MTSS2: variants seen among roughly 807,000 people sequenced by gnomAD.
The protein encoded by MTSS2 is protein MTSS 2.
MTSS2 carries 27 observed loss-of-function variants against 67.1 expected under a neutral mutation model. That is an observed-to-expected ratio of 0.40 (90% CI 0.30 to 0.55). MTSS2 has a LOEUF of 0.55. MTSS2 is among the 20% of genes least tolerant of loss of function. The pLI, the probability that MTSS2 is intolerant of heterozygous loss-of-function variation, is 0.43. For synonymous variants in MTSS2, 624 were observed against 468.6 expected (o/e 1.33, Z -4.28); for missense variants, 1,171 against 1,067.8 (o/e 1.10, Z -1.35).
intron 11 of MTSS2, among the ~76,000 whole-genome samples, chr16:70,670,630 G>C (rs2052899030): frequency 6.6e-6 from 1 of 152,050 alleles, no homozygotes. Flanking sequence ...AAAGAAGCCA[G>C]ACATAAAGGA....
Position 70,663,540 on chromosome 16 carries a change from T to C in MTSS2, c.*137A>G. On this transcript the variant is annotated 3_prime_UTR_variant, in exon 15 of 15. Coordinates refer to ENST00000338779, the MANE Select transcript of MTSS2 (RefSeq NM_138383.3). Reference sequence around the variant, plus strand: ...TAAATGCTGGAATCCAAGTGAGGTGTCTTTCCATAAAGTGGCATGGCCTCT... The same window carrying C: ...TAAATGCTGGAATCCAAGTGAGGTGCCTTTCCATAAAGTGGCATGGCCTCT... 2 of 1,391,512 alleles carry C rather than the reference T, an allele frequency of 1.4e-6. No homozygotes were observed. The highest frequency in any genetic ancestry group is 1.5e-5 in the South Asian group (1 of 65,568). The allele number at this position is 1,391,512 out of a possible 1,614,324, so 86.2% of individuals were successfully genotyped here. A position where few individuals can be genotyped will look rare whatever the true frequency, so the allele number is the denominator to read the frequency against.
chr16:70,676,907 G>A lies in MTSS2; in HGVS notation c.804C>T (p.Ser268=). 1 of 1,613,684 alleles carries A rather than the reference G, an allele frequency of 6.2e-7. No individual in the cohort carries two copies. The highest frequency in any genetic ancestry group is 8.5e-7 in the Non-Finnish European group (1 of 1,179,978). ...YQTPPSSPSS[S]SSRKSSMCSA... The stretch of plus-strand genomic sequence containing the variant: ...TGCACATGCTGGACTTCCGGGAGCT[G>A]GAGCTGCTGGGTGATGAGGGTGGGG... The change falls in exon 10 of 15, where the codon TCC becomes TCT. Residue 268 remains serine, a synonymous_variant. Coordinates refer to ENST00000338779, the MANE Select transcript of MTSS2 (RefSeq NM_138383.3).
intron 6 of MTSS2, 62 bp downstream of exon 6, chr16:70,679,568 G>A (rs2053229915): frequency 6.6e-7 from 1 of 1,509,560 alleles, no homozygotes; most frequent in Admixed American, 2.1e-5. Flanking sequence ...GCGCCCCACG[G>A]GGCGGTGGGG....
Position 70,664,166 on chromosome 16 carries a change from G to T in MTSS2, c.1755C>A (p.Pro585=). 1 of 1,606,328 alleles carries T rather than the reference G, an allele frequency of 6.2e-7. No individual in the cohort carries two copies. Among genetic ancestry groups the T allele is most frequent in the Non-Finnish European group, 8.5e-7 (1 of 1,179,462 alleles). Residue 585 remains proline (P), a synonymous_variant, in exon 15 of 15, where the codon CCC becomes CCA. Coordinates refer to ENST00000338779, the MANE Select transcript of MTSS2 (RefSeq NM_138383.3). ...RRALSSAGPI[P]IRPPIVPVKT... ...TCACAGGGACGATGGGCGGCCGGATGGGGATGGGGCCAGCGCTGGACAGGG... is the reference window on the plus strand; with the variant it reads ...TCACAGGGACGATGGGCGGCCGGATTGGGATGGGGCCAGCGCTGGACAGGG...
rs759766257 is a variant in MTSS2 at position 70,678,235 on chromosome 16, G to A, written c.624+17C>T. On this transcript the variant is annotated intron_variant, in intron 8 of 14. Transcript: ENST00000338779. ...CCCAGCCCACCCCTCTGGGGTCTGA[G>A]TCCCCAGGAGTCCCACCACCACAGG... The A allele has an allele frequency of 1.9e-6, 3 of 1,597,234 alleles. No individual in the cohort carries two copies. In the Admixed American group the frequency reaches 5.1e-5, roughly 27 times the overall value.
At chr16:70,674,262 G>A (rs1442952185) in intron 11 of MTSS2, 44 bp downstream of exon 11, 39 of 1,578,064 alleles carry the variant, frequency 2.5e-5, no homozygotes, top group Non-Finnish European at 3.3e-5. Context: ...CTGGCATAAG[G>A]CTGCTGCACC....
In MTSS2 at chr16:70,662,378, T is replaced by TG. The variant is rs1313628853; in HGVS notation, c.*1298dup. The stretch of plus-strand genomic sequence containing the variant: ...ACTTGGCGTGACTTGGTGCGTGGGG[T>TG]GGGGGCAGCCTTGCCCCTCCCCTTG... On this transcript the variant is annotated 3_prime_UTR_variant, in exon 15 of 15. Transcript: ENST00000338779. 1.3e-5 allele frequency: 2 copies of TG among 152,160 alleles called. No individual in the cohort carries two copies. The highest frequency in any genetic ancestry group is 2.9e-5 in the Non-Finnish European group (2 of 68,092). 9.4% of individuals were successfully genotyped at this position (152,160 alleles called of 1,614,324 possible). A position where few individuals can be genotyped will look rare whatever the true frequency, so the allele number is the denominator to read the frequency against.
At chr16:70,683,836 G>A (rs58887293) in intron 1 of MTSS2, among the ~76,000 whole-genome samples, 1 of 152,182 alleles carries the variant, frequency 6.6e-6, no homozygotes, top group African/African-American at 2.4e-5. Context: ...AGCTGCCCCC[G>A]CAAATCCAGG....
At chr16:70,677,935 C>CGCCCACCT (rs1567502181) in intron 8 of MTSS2, 36 bp from the exon 9 acceptor site, 1 of 1,467,800 alleles carries the variant, frequency 6.8e-7, no homozygotes, top group African/African-American at 1.4e-5. Context: ...CTGGCCCTAT[C>CGCCCACCT]GCCCACCTGC....
In MTSS2 at chr16:70,664,148, G is replaced by T; in HGVS notation, c.1773C>A (p.Val591=). ...CAGGCACCGTGGGCGTCTTCACAGG[G>T]ACGATGGGCGGCCGGATGGGGATGG... ...AGPIPIRPPI[V]PVKTPTVPDS... Residue 591 remains valine (V), a synonymous_variant, in exon 15 of 15, where the codon GTC becomes GTA. Coordinates refer to ENST00000338779, the MANE Select transcript of MTSS2 (RefSeq NM_138383.3). The T allele has an allele frequency of 6.2e-7, 1 of 1,608,842 alleles. No homozygotes were observed.
Position 70,663,956 on chromosome 16 carries a change from G to T in MTSS2, c.1965C>A (p.Tyr655Ter). The change falls in exon 15 of 15, where the codon TAC becomes TAA. Residue 655 changes from tyrosine (Y) to a stop codon, truncating the protein, a stop_gained. Transcript: ENST00000338779. LOFTEE classifies it low-confidence loss of function (END_TRUNC). ...WGSPSPEAAG[Y>*]PGAGAEDEQQ... The stretch of plus-strand genomic sequence containing the variant: ...GCTCGTCCTCGGCCCCTGCCCCGGG[G>T]TACCCGGCTGCCTCTGGGGATGGGC... 6.4e-7 allele frequency: 1 copy of T among 1,563,970 alleles called. No individual in the cohort carries two copies. Among genetic ancestry groups the T allele is most frequent in the Non-Finnish European group, 8.6e-7 (1 of 1,156,584 alleles).
rs1200524795 is a variant in MTSS2, at chr16:70,664,059, T to C, written c.1862A>G (p.Glu621Gly). 3.1e-6 allele frequency: 5 copies of C among 1,610,988 alleles called. No homozygotes were observed. The Admixed American group carries it at 5.0e-5, about 16-fold the overall frequency. ...GTCCGGTGCCAGGGGTGAGGCGGTCTCGTCGGTATAGAAGACGCACTCCTC... is the reference window on the plus strand; with the variant it reads ...GTCCGGTGCCAGGGGTGAGGCGGTCCCGTCGGTATAGAAGACGCACTCCTC... ...GSEECVFYTD[E>G]TASPLAPDLA... Residue 621 changes from glutamate (E) to glycine (G), a missense_variant, in exon 15 of 15, where the codon GAG (glutamate) becomes GGG (glycine). By Grantham distance (98) the Glu-to-Gly change is moderately conservative. This residue lies in a region of MTSS2 where 924 missense variants were observed against 756.0 expected (regional missense o/e 1.22). Coordinates refer to ENST00000338779, the MANE Select transcript of MTSS2 (RefSeq NM_138383.3).
intron 11 of MTSS2, among the ~76,000 whole-genome samples, chr16:70,673,363 T>G (rs1355985735): frequency 6.6e-5 from 10 of 152,212 alleles, no homozygotes; most frequent in Non-Finnish European, 1.5e-4. Flanking sequence ...GACTGACAGC[T>G]GACCTTCCAA....
intron 12 of MTSS2, 167 bp from the exon 13 acceptor site, chr16:70,665,263 C>T (rs1351831306): frequency 3.2e-6 from 3 of 939,540 alleles, no homozygotes; most frequent in East Asian, 5.3e-5. Flanking sequence ...CCCCTCAGTC[C>T]CACCAGGCCC....
chr16:70,682,057 G>A (rs571841823), intron 1 of MTSS2, among the ~76,000 whole-genome samples: 2 of 152,338 alleles, frequency 1.3e-5, no homozygotes, highest in African/African-American at 4.8e-5. Flanking sequence ...GGCTCTGCCT[G>A]GCTGCAACCC....
intron 11 of MTSS2, among the ~76,000 whole-genome samples, chr16:70,670,576 T>A (rs2052896300): frequency 6.6e-6 from 1 of 152,190 alleles, no homozygotes; most frequent in South Asian, 2.1e-4. Flanking sequence ...TGATCTATAT[T>A]TCCACCTAAA....
chr16:70,685,549 C>G (rs2053427329), intron 1 of MTSS2, among the ~76,000 whole-genome samples, 174 bp downstream of exon 1: 1 of 152,178 alleles, frequency 6.6e-6, no homozygotes, highest in Non-Finnish European at 1.5e-5. Flanking sequence ...CCCACACCCC[C>G]AGACGGGCAC....
chr16:70,665,533 G>A lies in MTSS2; in HGVS notation c.1061C>T (p.Ser354Phe), dbSNP rs1028792030. ...MPSDITSQKS[S>F]SSASSEASET... is the part of the protein sequence containing the mutation. Reference sequence around the variant, plus strand: ...CGAGGCCTCGGAAGATGCAGAGCTGGAGGACTTCTGCCATGCAGAGGCCAG... The same window carrying A: ...CGAGGCCTCGGAAGATGCAGAGCTGAAGGACTTCTGCCATGCAGAGGCCAG... The change falls in exon 12 of 15, where the codon TCC becomes TTC. Residue 354 changes from serine (S) to phenylalanine (F), a missense_variant. Ser to Phe is a radical substitution (Grantham distance 155). Transcript: ENST00000338779. 5.8e-6 allele frequency: 9 copies of A among 1,548,046 alleles called. No individual in the cohort carries two copies. The African/African-American group carries it at 1.2e-4, about 21-fold the overall frequency.
In MTSS2 at chr16:70,664,905, C is replaced by T. The variant is rs2052645517; in HGVS notation, c.1305+15G>A. 1 of 1,532,666 alleles carries T rather than the reference C, an allele frequency of 6.5e-7. No individual in the cohort carries two copies. Among genetic ancestry groups the T allele is most frequent in the Non-Finnish European group, 8.7e-7 (1 of 1,143,828 alleles). 94.9% of individuals were successfully genotyped at this position (1,532,666 alleles called of 1,614,324 possible). A position where few individuals can be genotyped will look rare whatever the true frequency, so the allele number is the denominator to read the frequency against. ...GGACTGACCTGGGCGTGAAGGGGGG[C>T]CCTGGCCAGCCTACCTTGGCTGCGA... is the stretch of plus-strand genomic sequence containing the variant. On this transcript the variant is annotated intron_variant, in intron 13 of 14. Transcript: ENST00000338779.
Sources: allele counts gnomAD v4.1 joint callset (sites outside exome capture counted in the v4.1 genomes callset), GRCh38; gene constraint gnomAD v4.1.1; regional missense constraint gnomAD v4.1.1; transcripts MANE v1.5; gene names NCBI Gene and HGNC (gene_info 2026-07-23, HGNC 2026-07-21).